The following DENND2B variants were observed in gnomAD, a reference collection of about 807,000 sequenced individuals.
The protein encoded by DENND2B is DENN domain containing 2B.
In DENND2B, 32 loss-of-function variants were observed where a neutral mutation model predicts 116.0. The ratio of observed to expected loss-of-function variants is 0.28; its 90% CI spans 0.21 to 0.37. The LOEUF is 0.37. DENND2B is among the 10% of genes least tolerant of loss of function. The pLI, the probability that DENND2B is intolerant of heterozygous loss-of-function variation, is 1.00. For synonymous variants in DENND2B, 588 were observed against 583.9 expected (o/e 1.01, Z -0.10); for missense variants, 1,276 against 1,477.7 (o/e 0.86, Z 2.24).
chr11:8,752,780 T>C (rs1490665054), intron 1 of DENND2B, among the ~76,000 whole-genome samples: 1 of 152,172 alleles, frequency 6.6e-6, no homozygotes, highest in Non-Finnish European at 1.5e-5. Flanking sequence ...ATATGAAGAT[T>C]AAAATTTAAG....
intron 3 of DENND2B, among the ~76,000 whole-genome samples, chr11:8,727,075 T>G (rs2047197864): frequency 1.3e-5 from 2 of 152,172 alleles, no homozygotes; most frequent in African/African-American, 2.4e-5. Flanking sequence ...CTCTCCTTCA[T>G]GAGAGAGGTA....
intron 1 of DENND2B, among the ~76,000 whole-genome samples, chr11:8,795,235 G>C (rs2059715554): frequency 6.6e-6 from 1 of 152,204 alleles, no homozygotes; most frequent in African/African-American, 2.4e-5. Flanking sequence ...AGGCTTTGTT[G>C]ATGTTTTAGA....
chr11:8,707,810 G>C lies in DENND2B; in HGVS notation c.2397C>G (p.Ile799Met). The C allele has an allele frequency of 6.2e-7, 1 of 1,611,838 alleles. No homozygotes were observed. Among genetic ancestry groups the C allele is most frequent in the Admixed American group, 1.7e-5 (1 of 59,696 alleles). ...GPRLPEVYCV[I>M]SRLGCFGLFS... is the part of the protein sequence containing the mutation. Reference sequence around the variant, plus strand: ...ACAAGCCGAAGCAGCCAAGGCGGCTGATGACACAGTACACCTCTGGCAACC... The same window carrying C: ...ACAAGCCGAAGCAGCCAAGGCGGCTCATGACACAGTACACCTCTGGCAACC... Residue 799 changes from isoleucine to methionine, a missense_variant, in exon 12 of 20, where the codon ATC becomes ATG. Ile to Met is a conservative substitution (Grantham distance 10, BLOSUM62 1). This residue lies in a region of DENND2B where 420 missense variants were observed against 631.1 expected (regional missense o/e 0.67). Transcript: ENST00000313726. This position sits in a 1 kb window ranked among gnomAD's most constrained non-coding sequence, Gnocchi z 4.8.
rs1265869063 is a variant in DENND2B at position 8,711,104 on chromosome 11, G to A, written c.2282+18C>T. ...GAAGGCTATGCTCCTTCCTCCCTCAGGCCAGGCCAGGCCTCACCTGCTATA... is the reference window on the plus strand; with the variant it reads ...GAAGGCTATGCTCCTTCCTCCCTCAAGCCAGGCCAGGCCTCACCTGCTATA... On this transcript the variant is annotated intron_variant, in intron 10 of 19. Coordinates refer to ENST00000313726, the MANE Select transcript of DENND2B (RefSeq NM_213618.2). The A allele has an allele frequency of 1.2e-6, 2 of 1,611,792 alleles. No homozygotes were observed. Among genetic ancestry groups the A allele is most frequent in the Admixed American group, 1.7e-5 (1 of 60,020 alleles).
chr11:8,712,811 C>G lies in DENND2B; in HGVS notation c.1988-76G>C. On this transcript the variant is annotated intron_variant, in intron 8 of 19. Transcript: ENST00000313726. The surrounding 1 kb of genome is among the most constrained non-coding windows in gnomAD (Gnocchi z 4.4). ...ACTCCTCTACCCCTGGCTCAGGGCT[C>G]CATTGCTGTGGAGCACTTTTAAGTA... 2 of 1,459,752 alleles carry G rather than the reference C, an allele frequency of 1.4e-6. No homozygotes were observed. The allele number at this position is 1,459,752 out of a possible 1,614,324, so 90.4% of individuals were successfully genotyped here.
intron 1 of DENND2B, among the ~76,000 whole-genome samples, chr11:8,799,456 G>C (rs1159110086): frequency 1.3e-5 from 2 of 151,976 alleles, no homozygotes; most frequent in Non-Finnish European, 2.9e-5. Flanking sequence ...ATACCAGCCA[G>C]AGTCCAAGCC....
chr11:8,805,573 C>A (rs1016255845), intron 1 of DENND2B, among the ~76,000 whole-genome samples: 2 of 152,172 alleles, frequency 1.3e-5, no homozygotes, highest in South Asian at 4.1e-4. Flanking sequence ...ACTTCCAGTC[C>A]TTCAGTTGGC....
chr11:8,820,014 G>A, intron 4 of DENND2B, among the ~76,000 whole-genome samples: 1 of 152,212 alleles, frequency 6.6e-6, no homozygotes, highest in East Asian at 1.9e-4. Context: ...CAAATTTAAA[G>A]ATAAGTAAAT....
intron 4 of DENND2B, among the ~76,000 whole-genome samples, chr11:8,837,944 G>A (rs1029500428): frequency 6.6e-6 from 1 of 152,172 alleles, no homozygotes; most frequent in African/African-American, 2.4e-5. Context: ...GAAGAATTCT[G>A]GAACTGAACC....
chr11:8,778,321 C>G (rs1390707237), intron 1 of DENND2B, among the ~76,000 whole-genome samples: 1 of 152,140 alleles, frequency 6.6e-6, no homozygotes, highest in Non-Finnish European at 1.5e-5. Context: ...TTCCACACAG[C>G]CACCCCTTAC....
chr11:8,786,291 C>A (rs2058892455), intron 1 of DENND2B, among the ~76,000 whole-genome samples: 1 of 151,672 alleles, frequency 6.6e-6, no homozygotes, highest in Non-Finnish European at 1.5e-5. Context: ...ATAAAAATAG[C>A]AAGGAAACTG....
chr11:8,897,083 C>CAA (rs201800451), intron 1 of DENND2B, among the ~76,000 whole-genome samples: 1 of 142,384 alleles, frequency 7.0e-6, no homozygotes, highest in Non-Finnish European at 1.6e-5. Flanking sequence ...ACAAAAAATA[C>CAA]AAAAAAAATT....
chr11:8,695,630 A>G lies in DENND2B; in HGVS notation c.3293-81T>C, dbSNP rs2040221346. 5.9e-6 allele frequency: 7 copies of G among 1,187,518 alleles called. No homozygotes were observed. The South Asian group carries it at 9.0e-5, about 15-fold the overall frequency. The allele number at this position is 1,187,518 out of a possible 1,614,324, so 73.6% of individuals were successfully genotyped here. A position where few individuals can be genotyped will look rare whatever the true frequency, so the allele number is the denominator to read the frequency against. Reference sequence around the variant, plus strand: ...GAGGCCTACATGAAGGGAACCATGGAGCACAGATGCCAAAAAAGGAGAAAG... The same window carrying G: ...GAGGCCTACATGAAGGGAACCATGGGGCACAGATGCCAAAAAAGGAGAAAG... On this transcript the variant is annotated intron_variant, in intron 18 of 19. Transcript: ENST00000313726.
intron 1 of DENND2B, among the ~76,000 whole-genome samples, chr11:8,905,833 A>G (rs968768664): frequency 1.3e-5 from 2 of 152,240 alleles, no homozygotes; most frequent in East Asian, 3.9e-4. Flanking sequence ...GATAGTATTC[A>G]GTCATAAAAA....
chr11:8,781,772 G>A (rs1466043585), intron 1 of DENND2B, among the ~76,000 whole-genome samples: 2 of 152,114 alleles, frequency 1.3e-5, no homozygotes, highest in East Asian at 1.9e-4. Context: ...GGAAAAAGAC[G>A]AAAACCCAAC....
At position 8,710,853 on chromosome 11, in the gene DENND2B, G is replaced by A. The variant is rs1429393379; in HGVS notation, c.2344C>T (p.Arg782Cys). The A allele has an allele frequency of 1.9e-6, 3 of 1,613,686 alleles. No homozygotes were observed. Among genetic ancestry groups the A allele is most frequent in the African/African-American group, 1.3e-5 (1 of 74,804 alleles). Residue 782 changes from arginine to cysteine, a missense_variant, in exon 11 of 20, where the codon CGC becomes TGC. Around this residue, in one of 2 missense-constraint regions of DENND2B, gnomAD observed 420 missense variants for 631.1 expected, o/e 0.67. Transcript: ENST00000313726. ...CGAATGGCCTCACTCACCAGTAAGC[G>A]CCTGCAGTAGCCAAAGCGTCTGCTG... is the stretch of plus-strand genomic sequence containing the variant. The part of the protein sequence containing the change: ...DGSRRFGYCR[R>C]LLPSGKGPRL...
chr11:8,798,249 A>G, intron 1 of DENND2B, among the ~76,000 whole-genome samples: 1 of 152,256 alleles, frequency 6.6e-6, no homozygotes, highest in East Asian at 1.9e-4. Flanking sequence ...AACAAAACCT[A>G]GAACAGAAGG....
At chr11:8,718,027 T>C in intron 4 of DENND2B, 135 bp from the exon 5 acceptor site, 1 of 957,960 alleles carries the variant, frequency 1.0e-6, no homozygotes, top group South Asian at 1.6e-5. Flanking sequence ...AGCTCATGAG[T>C]CATGCAGCTG....
At chr11:8,884,531 A>G (rs10840142) in intron 1 of DENND2B, among the ~76,000 whole-genome samples, 51,484 of 152,060 alleles carry the variant, frequency 0.34, 10,430 homozygotes, top group Non-Finnish European at 0.44. Flanking sequence ...ATATTCAGCT[A>G]GAAATTCTAA....
Sources: allele counts gnomAD v4.1 joint callset (sites outside exome capture counted in the v4.1 genomes callset), GRCh38; gene constraint gnomAD v4.1.1; regional missense constraint gnomAD v4.1.1; non-coding constraint Gnocchi (gnomAD v3.1); transcripts MANE v1.5; gene names NCBI Gene and HGNC (gene_info 2026-07-23, HGNC 2026-07-21).